Variants in PCDH7 observed in about 807,000 individuals in gnomAD.
The protein encoded by PCDH7 is protocadherin 7, also known as protocadherin-7.
A neutral mutation model predicts 58.9 loss-of-function variants in PCDH7; 17 were observed. That is an observed-to-expected ratio of 0.29 (90% CI 0.20 to 0.43). PCDH7 has a LOEUF of 0.43. Ranked by LOEUF, PCDH7 falls within the 20% of genes least tolerant of loss-of-function variation. The probability of loss-of-function intolerance (pLI) is 1.00; values close to 1 mark genes in which losing one functional copy is unlikely to be tolerated. For synonymous variants in PCDH7, 664 were observed against 616.4 expected, an observed-to-expected ratio of 1.08 and a Z score of -1.14; for missense variants, 1,274 against 1,441.0, an observed-to-expected ratio of 0.88 and a Z score of 1.88.
intron 1 of PCDH7, among the ~76,000 whole-genome samples, chr4:30,820,107 A>G (rs1328116771): frequency 6.6e-6 from 1 of 152,146 alleles, no homozygotes; most frequent in African/African-American, 2.4e-5. Flanking sequence ...ATGATAGGAA[A>G]ATTCCTTTGC....
chr4:30,984,435 GT>G (rs1484132295), intron 3 of PCDH7, among the ~76,000 whole-genome samples: 1 of 152,142 alleles, frequency 6.6e-6, no homozygotes, highest in Admixed American at 6.5e-5. Context: ...CCTTGGGAAC[GT>G]TTTCTCCCAG....
intron 1 of PCDH7, among the ~76,000 whole-genome samples, chr4:30,878,401 T>C (rs192939399): frequency 4.2e-4 from 64 of 152,208 alleles, no homozygotes; most frequent in African/African-American, 1.5e-3. Flanking sequence ...GGAAGTGTCT[T>C]TCTGAGCTTC....
intron 3 of PCDH7, among the ~76,000 whole-genome samples, chr4:30,979,383 T>C (rs539658681): frequency 1.3e-5 from 2 of 151,364 alleles, no homozygotes; most frequent in Admixed American, 1.3e-4. Flanking sequence ...AAATTGAAGC[T>C]GAAGCTTTGA....
intron 3 of PCDH7, among the ~76,000 whole-genome samples, chr4:30,955,951 G>A (rs1357861507): frequency 6.6e-6 from 1 of 151,638 alleles, no homozygotes; most frequent in Non-Finnish European, 1.5e-5. Flanking sequence ...TTGGGAGGCC[G>A]AGGCGGGTGG....
rs1454892318 is a variant in PCDH7, at chr4:30,786,823, A to C, written c.70+62227A>C. ...TAAGTGAAATATATGCAGTGTTCCA[A>C]CTCAATATGTTGGATCCTAATAGAC... is the stretch of plus-strand genomic sequence containing the variant. On this transcript the variant is annotated intron_variant, in intron 1 of 3. Transcript: ENST00000509759. 3.5e-6 allele frequency: 3 copies of C among 849,526 alleles called. No individual in the cohort carries two copies. In the East Asian group the frequency reaches 3.6e-4, roughly 102 times the overall value. The allele number at this position is 849,526 out of a possible 1,614,324, so 52.6% of individuals were successfully genotyped here.
chr4:31,107,149 C>A (rs1217160235), intron 3 of PCDH7, among the ~76,000 whole-genome samples: 1 of 152,040 alleles, frequency 6.6e-6, no homozygotes, highest in Non-Finnish European at 1.5e-5. Context: ...CATGGGCACT[C>A]AAAGCAGGGT....
intron 3 of PCDH7, among the ~76,000 whole-genome samples, chr4:31,054,414 A>AT (rs1335520663): frequency 6.6e-6 from 1 of 152,222 alleles, no homozygotes; most frequent in Non-Finnish European, 1.5e-5. Context: ...GTTGATGATT[A>AT]TTAATTCTGC....
At chr4:30,968,181 G>A (rs1749158358) in intron 3 of PCDH7, among the ~76,000 whole-genome samples, 1 of 149,576 alleles carries the variant, frequency 6.7e-6, no homozygotes, top group African/African-American at 2.5e-5. Flanking sequence ...TCCAAGTACT[G>A]TTTAGCTTCC....
chr4:30,973,391 G>T (rs1354947053), intron 3 of PCDH7, among the ~76,000 whole-genome samples: 2 of 152,162 alleles, frequency 1.3e-5, no homozygotes, highest in African/African-American at 4.8e-5. Flanking sequence ...TCAAATCATA[G>T]CACCCTTTGA....
chr4:30,975,017 G>A (rs1387646033), intron 3 of PCDH7, among the ~76,000 whole-genome samples: 2 of 152,022 alleles, frequency 1.3e-5, no homozygotes, highest in African/African-American at 4.8e-5. Flanking sequence ...TAGTTCTCTG[G>A]CTTGTAACTG....
chr4:31,006,822 G>A (rs1391760212), intron 3 of PCDH7, among the ~76,000 whole-genome samples: 3 of 151,474 alleles, frequency 2.0e-5, no homozygotes, highest in African/African-American at 7.3e-5. Flanking sequence ...AACCTGGGAA[G>A]CAGAGATTGC....
At chr4:31,024,159 G>T (rs968650323) in intron 3 of PCDH7, among the ~76,000 whole-genome samples, 1 of 152,156 alleles carries the variant, frequency 6.6e-6, no homozygotes, top group African/African-American at 2.4e-5. Context: ...GTGGAATAGA[G>T]AACTGTGGAG....
rs1175165887 is a variant in PCDH7, at chr4:30,722,078, C to G, written c.656C>G (p.Ser219Trp). The stretch of plus-strand genomic sequence containing the variant: ...GGGAACGGCGCGAGCGGCGGCGGCT[C>G]GGGAGGCTCCAAGCGGCGGCTGGAC... The change falls in exon 1 of 2, where the codon TCG (serine) becomes TGG (tryptophan). Residue 219 changes from serine to tryptophan, a missense_variant. By Grantham distance (177) the Ser-to-Trp change is radical (BLOSUM62 -3). This residue lies in a region of PCDH7 where 331 missense variants were observed against 303.2 expected (regional missense o/e 1.09). Coordinates refer to ENST00000361762, the Ensembl canonical transcript of PCDH7. This position sits in a 1 kb window ranked among gnomAD's most constrained non-coding sequence, Gnocchi z 7.6. The G allele has an allele frequency of 6.2e-6, 8 of 1,295,420 alleles. No homozygotes were observed. The highest frequency in any genetic ancestry group is 7.8e-6 in the Non-Finnish European group (8 of 1,025,620). The allele number at this position is 1,295,420 out of a possible 1,614,324, so 80.2% of individuals were successfully genotyped here.
intron 3 of PCDH7, among the ~76,000 whole-genome samples, chr4:31,026,139 T>C (rs560944937): frequency 3.7e-4 from 57 of 152,326 alleles, no homozygotes; most frequent in South Asian, 1.2e-3. Context: ...TTGCCAGCAT[T>C]AGACTTTTAT....
At chr4:30,746,458 G>A (rs566665444) in intron 1 of PCDH7, among the ~76,000 whole-genome samples, 2 of 152,260 alleles carry the variant, frequency 1.3e-5, no homozygotes, top group Admixed American at 6.5e-5. Context: ...AGTGCAATTC[G>A]CCTTAGTTAC....
intron 1 of PCDH7, among the ~76,000 whole-genome samples, chr4:30,892,528 G>A (rs1419832492): frequency 6.6e-6 from 1 of 151,986 alleles, no homozygotes; most frequent in Non-Finnish European, 1.5e-5. Context: ...ACAATGCTAA[G>A]AGAGAAAAAG....
downstream of PCDH7, among the ~76,000 whole-genome samples, chr4:30,733,715 T>C (rs759542873): frequency 3.3e-5 from 5 of 152,238 alleles, no homozygotes; most frequent in Non-Finnish European, 7.3e-5. Context: ...GTGAGGATAC[T>C]GAAATAATGA....
intron 3 of PCDH7, among the ~76,000 whole-genome samples, chr4:31,132,278 AT>A (rs1032972864): frequency 3.3e-5 from 5 of 152,072 alleles, no homozygotes; most frequent in African/African-American, 7.2e-5. Context: ...TTCAATTCTC[AT>A]TTTTCCCCCA....
At chr4:30,829,084 C>G (rs188386391) in intron 1 of PCDH7, among the ~76,000 whole-genome samples, 225 of 152,034 alleles carry the variant, frequency 1.5e-3, no homozygotes, top group African/African-American at 5.1e-3. Flanking sequence ...TGTACCTGCA[C>G]TTTATTTCAT....
Sources: gnomAD v4.1 joint callset for allele counts (sites outside exome capture counted in the v4.1 genomes callset) on GRCh38, gnomAD v4.1.1 for gene constraint, gnomAD v4.1.1 regional missense constraint, Gnocchi (gnomAD v3.1) non-coding constraint, MANE v1.5 for transcripts, NCBI Gene and HGNC (gene_info 2026-07-23, HGNC 2026-07-21) for gene names.